Variants in RANBP2 observed in about 807,000 individuals in gnomAD.
The protein encoded by RANBP2 is RAN binding protein 2, also known as E3 SUMO-protein ligase RanBP2.
A neutral mutation model predicts 303.6 loss-of-function variants in RANBP2; 57 were observed. The observed-to-expected ratio is 0.19, with a 90% CI of 0.15 to 0.23. The LOEUF (loss-of-function observed/expected upper bound fraction) is 0.23, where lower values mean the gene tolerates loss of function less well. Ranked by LOEUF, RANBP2 falls within the 10% of genes least tolerant of loss-of-function variation. RANBP2 has a pLI of 1.00. For synonymous variants in RANBP2, 1,167 were observed against 1,301.5 expected (o/e 0.90, Z 2.23); for missense variants, 3,138 against 3,780.8 (o/e 0.83, Z 4.46).
the RANBP2 span, among the ~76,000 whole-genome samples, chr2:109,735,473 T>C: frequency 6.7e-6 from 1 of 149,538 alleles, no homozygotes; most frequent in Non-Finnish European, 1.5e-5. Flanking sequence ...AACACAGTAA[T>C]GCAGATCTCT....
At chr2:108,778,773 C>T (rs1043874068) in intron 25 of RANBP2, among the ~76,000 whole-genome samples, 1 of 152,324 alleles carries the variant, frequency 6.6e-6, no homozygotes, top group African/African-American at 2.4e-5. Flanking sequence ...GTTGCCCAGG[C>T]TGGAGTGCAG....
At chr2:109,503,558 A>G in the RANBP2 span, 1 of 152,182 alleles carries the variant, frequency 6.6e-6, no homozygotes, top group South Asian at 2.1e-4. Flanking sequence ...GACAACCAAA[A>G]GCTCTCTATT....
At position 108,755,155 on chromosome 2, in the gene RANBP2, G is replaced by A. The variant is rs774162073; in HGVS notation, c.2383-21G>A. 11 of 1,609,234 alleles carry A rather than the reference G, an allele frequency of 6.8e-6. No individual in the cohort carries two copies. In the East Asian group the frequency reaches 2.2e-4, roughly 33 times the overall value. ...TTCTAAGTGTTTTAAATGCTGTTTTGTTATTTTTATTTTTTTTTAGTATTC... is the reference window on the plus strand; with the variant it reads ...TTCTAAGTGTTTTAAATGCTGTTTTATTATTTTTATTTTTTTTTAGTATTC... On this transcript the variant is annotated intron_variant, in intron 16 of 28. Coordinates refer to ENST00000283195, the MANE Select transcript of RANBP2 (RefSeq NM_006267.5).
At chr2:108,935,963 C>T in the RANBP2 span, among the ~76,000 whole-genome samples, 450 of 152,348 alleles carry the variant, frequency 3.0e-3, 3 homozygotes, top group African/African-American at 1.0e-2. Context: ...ACTGTCTATA[C>T]TTGTCATCAC....
At chr2:108,907,940 G>T in the RANBP2 span, 2 of 1,613,596 alleles carry the variant, frequency 1.2e-6, no homozygotes, top group Admixed American at 1.7e-5. Context: ...GGGGAGCCCT[G>T]CTTGTCAGGG....
the RANBP2 span, among the ~76,000 whole-genome samples, chr2:109,399,584 T>C: frequency 6.6e-6 from 1 of 152,110 alleles, no homozygotes; most frequent in African/African-American, 2.4e-5. Flanking sequence ...AAGATCAGCT[T>C]GGGCAAGACC....
chr2:109,496,978 G>C, the RANBP2 span, among the ~76,000 whole-genome samples: 1 of 152,152 alleles, frequency 6.6e-6, no homozygotes, highest in Non-Finnish European at 1.5e-5. Flanking sequence ...CTCCAGAGAA[G>C]GGATGAAGGC....
At position 108,753,933 on chromosome 2, in the gene RANBP2, A is replaced by T. The variant is rs746264200; in HGVS notation, c.2164A>T (p.Ile722Leu). 2.6e-5 allele frequency: 42 copies of T among 1,611,894 alleles called. No individual in the cohort carries two copies. The highest frequency in any genetic ancestry group is 1.4e-4 in the South Asian group (13 of 91,000). The change falls in exon 15 of 29, where the codon ATA becomes TTA. Residue 722 changes from isoleucine to leucine, a missense_variant. Transcript: ENST00000283195. ...RKTRDYLIKI[I>L]DDSDSNLSVV... ...GACCAGGGACTACCTAATAAAGATT[A>T]TAGATGACAGTGATTCAAATCTTTC...
At chr2:109,256,674 T>C in the RANBP2 span, among the ~76,000 whole-genome samples, 2 of 152,254 alleles carry the variant, frequency 1.3e-5, no homozygotes, top group African/African-American at 2.4e-5. Flanking sequence ...GTCTAAGTTT[T>C]GTTTTCTCAA....
intron 7 of RANBP2, among the ~76,000 whole-genome samples, chr2:108,742,145 C>T (rs902293586): frequency 5.9e-5 from 9 of 151,374 alleles, no homozygotes; most frequent in African/African-American, 1.5e-4. Flanking sequence ...TACAGGCATG[C>T]GCCACCACGC....
the RANBP2 span, among the ~76,000 whole-genome samples, chr2:109,272,181 C>G: frequency 6.6e-6 from 1 of 152,214 alleles, no homozygotes; most frequent in African/African-American, 2.4e-5. Context: ...TGGGTCAGAA[C>G]CCCCCACAGC....
the RANBP2 span, chr2:108,895,028 C>T: frequency 9.2e-5 from 14 of 152,778 alleles, no homozygotes; most frequent in Admixed American, 7.2e-4. Context: ...TCATCATCAT[C>T]ACAAGGCAGG....
chr2:108,818,240 G>A, the RANBP2 span, among the ~76,000 whole-genome samples: 13 of 152,246 alleles, frequency 8.5e-5, no homozygotes, highest in Admixed American at 3.9e-4. Flanking sequence ...TGGGGGGGTC[G>A]AGGCTGCAGT....
At chr2:108,786,766 G>A (rs896403515), downstream of RANBP2, 60 of 1,486,102 alleles carry the variant, frequency 4.0e-5, no homozygotes, top group African/African-American at 3.9e-4. Flanking sequence ...CGGCCGCGTA[G>A]CGCCGCGGGT....
At chr2:109,640,998 A>C in the RANBP2 span, among the ~76,000 whole-genome samples, 1 of 152,120 alleles carries the variant, frequency 6.6e-6, no homozygotes, top group Non-Finnish European at 1.5e-5. Context: ...AAGTGGGGAC[A>C]AGATAGATAT....
chr2:109,364,654 T>C, the RANBP2 span, among the ~76,000 whole-genome samples: 1 of 152,234 alleles, frequency 6.6e-6, no homozygotes, highest in Non-Finnish European at 1.5e-5. Context: ...CAGGTCTCAG[T>C]CTTTCAGCAA....
the RANBP2 span, among the ~76,000 whole-genome samples, chr2:109,433,197 T>A: frequency 6.6e-6 from 1 of 152,238 alleles, no homozygotes. Flanking sequence ...TGTGTATGCA[T>A]GTGTGTGCAG....
chr2:109,209,638 G>A, the RANBP2 span, among the ~76,000 whole-genome samples: 1 of 152,092 alleles, frequency 6.6e-6, no homozygotes, highest in African/African-American at 2.4e-5. Context: ...AGGGAGAAAC[G>A]CTGTGAATCA....
the RANBP2 span, among the ~76,000 whole-genome samples, chr2:109,065,278 T>G: frequency 6.6e-6 from 1 of 152,214 alleles, no homozygotes; most frequent in Non-Finnish European, 1.5e-5. Context: ...AAATGCTGTA[T>G]TTAAGTCATT....
Sources: gnomAD v4.1 joint callset for allele counts (sites outside exome capture counted in the v4.1 genomes callset) on GRCh38, gnomAD v4.1.1 for gene constraint, MANE v1.5 for transcripts, NCBI Gene and HGNC (gene_info 2026-07-23, HGNC 2026-07-21) for gene names.